The following WFDC9 variants were observed in gnomAD, a reference collection of about 807,000 sequenced individuals.
The protein encoded by WFDC9 is WAP four-disulfide core domain 9, also known as protein WFDC9.
In WFDC9, 9 loss-of-function variants were observed where a neutral mutation model predicts 9.5. The observed-to-expected ratio is 0.95, with a 90% CI of 0.57 to 1.65. The LOEUF (loss-of-function observed/expected upper bound fraction) is 1.65. Among genes scored for constraint, WFDC9 ranks in the 40% most tolerant of loss-of-function variants. WFDC9 has a pLI of 0.00. For synonymous variants in WFDC9, 33 were observed against 32.3 expected, an observed-to-expected ratio of 1.02 and a Z score of -0.07; for missense variants, 87 against 106.7, an observed-to-expected ratio of 0.82 and a Z score of 0.81.
intron 4 of WFDC9, among the ~76,000 whole-genome samples, 160 bp downstream of exon 4, chr20:45,608,503 T>C (rs1376587461): frequency 6.6e-6 from 1 of 152,182 alleles, no homozygotes; most frequent in Non-Finnish European, 1.5e-5. Context: ...TTGGTTTATT[T>C]TGCAGTGAGG....
At chr20:45,623,875 C>G (rs1383723263) in intron 1 of WFDC9, among the ~76,000 whole-genome samples, 5 of 152,148 alleles carry the variant, frequency 3.3e-5, no homozygotes, top group Non-Finnish European at 5.9e-5. Context: ...TTCCTCCTGT[C>G]TAGCTATGAC....
At chr20:45,622,832 A>G (rs541308256) in intron 1 of WFDC9, among the ~76,000 whole-genome samples, 6 of 152,242 alleles carry the variant, frequency 3.9e-5, no homozygotes, top group Admixed American at 6.5e-5. Context: ...GTGAGTGCAG[A>G]AACATTTCAT....
intron 1 of WFDC9, among the ~76,000 whole-genome samples, chr20:45,617,163 A>G (rs1385630521): frequency 1.3e-5 from 2 of 152,196 alleles, no homozygotes; most frequent in African/African-American, 4.8e-5. Context: ...CACAGTTAAA[A>G]ATCTATGTAT....
intron 1 of WFDC9, among the ~76,000 whole-genome samples, chr20:45,630,115 G>A (rs1982322359): frequency 6.6e-6 from 1 of 152,182 alleles, no homozygotes; most frequent in Admixed American, 6.5e-5. Context: ...GAAGAAACCT[G>A]CATATTTTGC....
chr20:45,613,652 AC>A (rs1338036603), intron 2 of WFDC9, among the ~76,000 whole-genome samples: 2 of 152,000 alleles, frequency 1.3e-5, no homozygotes, highest in African/African-American at 4.8e-5. Context: ...TAAGAGTAGA[AC>A]CCCCACACAC....
chr20:45,614,102 G>C (rs1038918311), intron 2 of WFDC9, among the ~76,000 whole-genome samples: 32 of 152,228 alleles, frequency 2.1e-4, no homozygotes, highest in African/African-American at 7.5e-4. Context: ...CATTCACACG[G>C]CCTCATTCTT....
intron 1 of WFDC9, among the ~76,000 whole-genome samples, chr20:45,618,355 G>A (rs771884484): frequency 2.6e-5 from 4 of 152,172 alleles, no homozygotes; most frequent in Non-Finnish European, 5.9e-5. Flanking sequence ...TCGTTCCTGT[G>A]TTCCCGGAGT....
At chr20:45,621,929 T>C (rs1020890380) in intron 1 of WFDC9, among the ~76,000 whole-genome samples, 12 of 152,210 alleles carry the variant, frequency 7.9e-5, no homozygotes, top group African/African-American at 2.7e-4. Context: ...CTGTGAGTCC[T>C]CCTAGTAAAG....
At chr20:45,611,539 C>A (rs1246598401) in intron 2 of WFDC9, among the ~76,000 whole-genome samples, 1 of 151,976 alleles carries the variant, frequency 6.6e-6, no homozygotes, top group African/African-American at 2.4e-5. Context: ...ACAGGGGAGG[C>A]AAAAATATGC....
intron 1 of WFDC9, among the ~76,000 whole-genome samples, chr20:45,628,840 C>A (rs559249522): frequency 6.6e-6 from 1 of 152,254 alleles, no homozygotes; most frequent in South Asian, 2.1e-4. Flanking sequence ...AGAGGGTGAT[C>A]TTCTTCCCAG....
intron 1 of WFDC9, among the ~76,000 whole-genome samples, chr20:45,624,691 A>G (rs1037903258): frequency 6.6e-6 from 1 of 152,210 alleles, no homozygotes; most frequent in African/African-American, 2.4e-5. Flanking sequence ...CCAACAGTGT[A>G]TAACAGTTCC....
At chr20:45,625,804 A>ATTTTT (rs1303424661) in intron 1 of WFDC9, among the ~76,000 whole-genome samples, 4 of 42,948 alleles carry the variant, frequency 9.3e-5, no homozygotes, top group East Asian at 2.0e-3. Flanking sequence ...TAGGTTCTCT[A>ATTTTT]TTCTTTTTTT....
intron 1 of WFDC9, among the ~76,000 whole-genome samples, chr20:45,616,876 A>G (rs1027675210): frequency 6.6e-6 from 1 of 152,190 alleles, no homozygotes; most frequent in Non-Finnish European, 1.5e-5. Context: ...GAGTTAGCAT[A>G]GTTTGTAAGG....
chr20:45,628,248 T>A, intron 1 of WFDC9, among the ~76,000 whole-genome samples: 1 of 152,240 alleles, frequency 6.6e-6, no homozygotes, highest in East Asian at 1.9e-4. Flanking sequence ...GGTATCCTTT[T>A]TTCATGTGAT....
chr20:45,629,836 C>T (rs1982312610), intron 1 of WFDC9: 8 of 1,614,006 alleles, frequency 5.0e-6, no homozygotes, highest in Non-Finnish European at 6.8e-6. Context: ...ACTCTGCTGC[C>T]TGTCCTGGTT....
intron 1 of WFDC9, among the ~76,000 whole-genome samples, chr20:45,627,635 T>TAAGGTGAG (rs1982250171): frequency 3.9e-5 from 6 of 152,122 alleles, no homozygotes; most frequent in African/African-American, 1.4e-4. Context: ...AAGAGGTGCA[T>TAAGGTGAG]AAGGTGAGAT....
At chr20:45,609,926 G>A (rs1981823247) in intron 3 of WFDC9, among the ~76,000 whole-genome samples, 165 bp downstream of exon 3, 1 of 152,208 alleles carries the variant, frequency 6.6e-6, no homozygotes, top group Non-Finnish European at 1.5e-5. Context: ...AGAGCTGAAA[G>A]AGAAAACTTA....
Position 45,629,789 on chromosome 20 carries a change from T to C in WFDC9, c.-153+1414A>G, listed in dbSNP as rs774875750. 25 of 1,610,356 alleles carry C rather than the reference T, an allele frequency of 1.6e-5. No homozygotes were observed. In the East Asian group the frequency reaches 1.8e-4, roughly 12 times the overall value. On this transcript the variant is annotated intron_variant, in intron 1 of 4. Transcript: ENST00000326000. ...AAGTCTGTGACAACCTGGCCAGACA[T>C]AGGGCTCACGATCTGATCAGAGTCA...
intron 1 of WFDC9, among the ~76,000 whole-genome samples, chr20:45,628,928 T>A (rs375622500): frequency 2.0e-5 from 3 of 152,178 alleles, no homozygotes; most frequent in African/African-American, 7.2e-5. Flanking sequence ...ACATCTTCAC[T>A]TCTGAGAGTT....
Sources: gnomAD v4.1 joint callset for allele counts (sites outside exome capture counted in the v4.1 genomes callset) on GRCh38, gnomAD v4.1.1 for gene constraint, MANE v1.5 for transcripts, NCBI Gene and HGNC (gene_info 2026-07-23, HGNC 2026-07-21) for gene names.